The following AGBL1 variants were observed in gnomAD, a reference collection of about 807,000 sequenced individuals.
AGBL1 encodes the protein cytosolic carboxypeptidase 4.
In AGBL1, 130 loss-of-function variants were observed where a neutral mutation model predicts 118.9. That is an observed-to-expected ratio of 1.09 (90% CI 0.95 to 1.26). The LOEUF is 1.26. Ranked by LOEUF, AGBL1 falls within the 50% of genes most tolerant of loss-of-function variation. The pLI is 0.00. For synonymous variants in AGBL1, 555 were observed against 478.9 expected (o/e 1.16, Z -2.08); for missense variants, 1,584 against 1,298.1 (o/e 1.22, Z -3.38).
At position 86,913,050 on chromosome 15, in the gene AGBL1, T is replaced by C. The variant is rs1399974666; in HGVS notation, c.*5756T>C. On this transcript the variant is annotated 3_prime_UTR_variant, in exon 23 of 23. Coordinates refer to ENST00000614907, the MANE Select transcript of AGBL1 (RefSeq NM_001386094.1). ...GAAAAAATAGAGTGGTAAAAGGGAA[T>C]TTTGAGATAAAAATGGATTCTATTA... is the stretch of plus-strand genomic sequence containing the variant. 2.0e-5 allele frequency: 3 copies of C among 152,250 alleles called. No individual in the cohort carries two copies. The highest frequency in any genetic ancestry group is 4.4e-5 in the Non-Finnish European group (3 of 68,012). 9.4% of individuals were successfully genotyped at this position (152,250 alleles called of 1,614,324 possible). A position where few individuals can be genotyped will look rare whatever the true frequency, so the allele number is the denominator to read the frequency against.
chr15:86,597,093 G>A (rs2084419641), intron 21 of AGBL1, among the ~76,000 whole-genome samples: 1 of 151,894 alleles, frequency 6.6e-6, no homozygotes, highest in Non-Finnish European at 1.5e-5. Flanking sequence ...ATATATCCAT[G>A]ATAGATTGAT....
chr15:86,697,289 A>G (rs1416320500), intron 22 of AGBL1, among the ~76,000 whole-genome samples: 1 of 151,758 alleles, frequency 6.6e-6, no homozygotes, highest in Non-Finnish European at 1.5e-5. Context: ...TAGTTTGTTC[A>G]TTTTGAAATC....
At chr15:86,929,297 C>G (rs2080579524) in intron 23 of AGBL1, among the ~76,000 whole-genome samples, 1 of 152,116 alleles carries the variant, frequency 6.6e-6, no homozygotes, top group African/African-American at 2.4e-5. Context: ...GTTGAGATAC[C>G]TTTTCAAGGT....
chr15:86,333,079 C>G (rs761360334), intron 17 of AGBL1, among the ~76,000 whole-genome samples: 1 of 152,070 alleles, frequency 6.6e-6, no homozygotes, highest in Non-Finnish European at 1.5e-5. Context: ...ATACCTACCT[C>G]AAAAAGTTAG....
intron 21 of AGBL1, among the ~76,000 whole-genome samples, chr15:86,672,674 C>T (rs977271683): frequency 6.6e-6 from 1 of 152,154 alleles, no homozygotes; most frequent in Non-Finnish European, 1.5e-5. Context: ...AAGAATCAGA[C>T]CTCGGAGCTT....
In AGBL1 at chr15:86,752,475, G is replaced by A. The variant is rs567322311; in HGVS notation, c.3158+78039G>A. 5.3e-5 allele frequency among the ~76,000 whole-genome samples: 8 copies of A among 152,076 alleles called. No individual in the cohort carries two copies. In the South Asian group the frequency reaches 1.7e-3, roughly 31 times the overall value. ...AGGTTCTTCCTGAGGTAATGAGTTT[G>A]AGTCTAGTGATGTGGTGATAGGAGA... On this transcript the variant is annotated intron_variant, in intron 22 of 22. Coordinates refer to ENST00000614907, the MANE Select transcript of AGBL1 (RefSeq NM_001386094.1).
intron 1 of AGBL1, among the ~76,000 whole-genome samples, chr15:86,113,287 C>CCTT (rs1897544306): frequency 1.0e-5 from 1 of 97,382 alleles, no homozygotes; most frequent in African/African-American, 3.9e-5. Context: ...TTCTTTCTTT[C>CCTT]TTTTTTTTTT....
chr15:86,767,110 A>C (rs750056438), intron 22 of AGBL1, among the ~76,000 whole-genome samples: 1 of 152,048 alleles, frequency 6.6e-6, no homozygotes, highest in Non-Finnish European at 1.5e-5. Context: ...TTAAATAAGT[A>C]TCAACTTTTA....
At chr15:86,353,965 GAC>G (rs2080671807) in intron 17 of AGBL1, among the ~76,000 whole-genome samples, 1 of 152,200 alleles carries the variant, frequency 6.6e-6, no homozygotes, top group Non-Finnish European at 1.5e-5. Context: ...CATGGCTCAA[GAC>G]ACAGTGTGCT....
At chr15:86,848,207 T>C (rs150389435) in intron 22 of AGBL1, among the ~76,000 whole-genome samples, 1,889 of 152,284 alleles carry the variant, frequency 0.012, 24 homozygotes, top group Non-Finnish European at 0.02. Flanking sequence ...AGAAGTTCAG[T>C]ATTGTTTTAA....
At chr15:86,438,793 C>G (rs1261149258) in intron 18 of AGBL1, among the ~76,000 whole-genome samples, 1 of 151,820 alleles carries the variant, frequency 6.6e-6, no homozygotes, top group Non-Finnish European at 1.5e-5. Flanking sequence ...TCCCAGATAG[C>G]TGGGATTACA....
chr15:86,846,263 A>G (rs1299396921), intron 22 of AGBL1, among the ~76,000 whole-genome samples: 2 of 152,160 alleles, frequency 1.3e-5, no homozygotes, highest in African/African-American at 4.8e-5. Context: ...TTTGAAGGAT[A>G]GTGTTCCTGG....
At chr15:86,444,818 C>A (rs1405135351) in intron 18 of AGBL1, among the ~76,000 whole-genome samples, 1 of 152,090 alleles carries the variant, frequency 6.6e-6, no homozygotes, top group Non-Finnish European at 1.5e-5. Flanking sequence ...CCCATGACAA[C>A]CACATTCCAT....
intron 22 of AGBL1, among the ~76,000 whole-genome samples, chr15:86,807,096 C>A (rs947571715): frequency 3.3e-5 from 5 of 152,100 alleles, no homozygotes; most frequent in Non-Finnish European, 7.3e-5. Context: ...CTGTGACAAA[C>A]CTCCCTAAGT....
Position 86,805,268 on chromosome 15 carries a change from G to GT in AGBL1, c.3159-101813dup, listed in dbSNP as rs2078700808. ...AGACAAATAGACCCTAGAGGCCGAAGTTTTTTATTAACACACATATAGTGA... is the reference window on the plus strand; with the variant it reads ...AGACAAATAGACCCTAGAGGCCGAAGTTTTTTTATTAACACACATATAGTGA... On this transcript the variant is annotated intron_variant, in intron 22 of 22. Coordinates refer to ENST00000614907, the MANE Select transcript of AGBL1 (RefSeq NM_001386094.1). 2.0e-5 allele frequency among the ~76,000 whole-genome samples: 3 copies of GT among 151,970 alleles called. No individual in the cohort carries two copies. In the South Asian group the frequency reaches 6.2e-4, roughly 32 times the overall value.
intron 22 of AGBL1, among the ~76,000 whole-genome samples, chr15:86,804,787 A>G (rs2078695048): frequency 6.6e-6 from 1 of 152,168 alleles, no homozygotes; most frequent in African/African-American, 2.4e-5. Flanking sequence ...ATGTCTGCAT[A>G]GAAGGAAAGC....
At chr15:86,570,362 G>A (rs778909030) in intron 21 of AGBL1, among the ~76,000 whole-genome samples, 3 of 152,220 alleles carry the variant, frequency 2.0e-5, no homozygotes, top group African/African-American at 4.8e-5. Context: ...TTATTGCAAA[G>A]TGAAAGGTAC....
intron 22 of AGBL1, among the ~76,000 whole-genome samples, chr15:86,782,077 C>T (rs371991514): frequency 6.6e-6 from 1 of 152,060 alleles, no homozygotes; most frequent in Non-Finnish European, 1.5e-5. Flanking sequence ...AAGTCACAAT[C>T]TCAAAACGCT....
At chr15:86,150,093 C>G (rs2077087173) in intron 3 of AGBL1, among the ~76,000 whole-genome samples, 1 of 152,198 alleles carries the variant, frequency 6.6e-6, no homozygotes, top group African/African-American at 2.4e-5. Context: ...AAAAAAGACA[C>G]AATGTACCAG....
Sources: allele counts gnomAD v4.1 joint callset (sites outside exome capture counted in the v4.1 genomes callset), GRCh38; gene constraint gnomAD v4.1.1; transcripts MANE v1.5; gene names NCBI Gene and HGNC (gene_info 2026-07-23, HGNC 2026-07-21).